The following C1orf21 variants were observed in gnomAD, a reference collection of about 807,000 sequenced individuals.
C1orf21 encodes chromosome 1 open reading frame 21, also known as uncharacterized protein C1orf21.
In C1orf21, 3 loss-of-function variants were observed where a neutral mutation model predicts 18.7. The observed-to-expected ratio is 0.16, with a 90% CI of 0.07 to 0.42. The LOEUF (loss-of-function observed/expected upper bound fraction) is 0.42. Among genes scored for constraint, C1orf21 ranks in the 10% least tolerant of loss-of-function variants. The pLI is 0.99. For missense variants in C1orf21, 104 were observed against 143.6 expected (o/e 0.72, Z 1.41); for synonymous variants, 41 against 46.4 (o/e 0.88, Z 0.47).
intron 4 of C1orf21, among the ~76,000 whole-genome samples, chr1:184,592,579 C>T (rs1659454424): frequency 1.4e-4 from 21 of 152,156 alleles, no homozygotes; most frequent in Admixed American, 1.4e-3. Flanking sequence ...TAAATGGAGA[C>T]AAATTTCCTG....
Position 184,590,796 on chromosome 1 carries a change from G to A in C1orf21, c.247G>A (p.Val83Ile). 1.2e-6 allele frequency: 2 copies of A among 1,614,054 alleles called. No individual in the cohort carries two copies. Among genetic ancestry groups the A allele is most frequent in the African/African-American group, 1.3e-5 (1 of 75,038 alleles). The change falls in exon 4 of 6, where the codon GTT becomes ATT. Residue 83 changes from valine (V) to isoleucine (I), a missense_variant. By Grantham distance (29) the Val-to-Ile change is conservative. Coordinates refer to ENST00000235307, the MANE Select transcript of C1orf21 (RefSeq NM_030806.4). ...AACTAATAAAGAGGTTCCGGGATTA[G>A]TTCATCAACCCAGAGCAAAGTAAGT... ...LKTNKEVPGL[V>I]HQPRANMHIS... is the part of the protein sequence containing the mutation.
rs1040367129 is a variant in C1orf21 at position 184,625,379 on chromosome 1, C to T, written c.*5823C>T. ...AGTCTAGACCTTCAAGGACTGTTCTCTCTTGACAGGCAAGCAAGCAAAGAA... is the reference window on the plus strand; with the variant it reads ...AGTCTAGACCTTCAAGGACTGTTCTTTCTTGACAGGCAAGCAAGCAAAGAA... On this transcript the variant is annotated 3_prime_UTR_variant, in exon 6 of 6. Transcript: ENST00000235307. 2.0e-5 allele frequency: 3 copies of T among 152,620 alleles called. No individual in the cohort carries two copies. Among genetic ancestry groups the T allele is most frequent in the Admixed American group, 1.3e-4 (2 of 15,280 alleles). The allele number at this position is 152,620 out of a possible 1,614,324, so 9.5% of individuals were successfully genotyped here.
At chr1:184,567,425 T>C (rs1659049762) in intron 3 of C1orf21, 9 of 535,990 alleles carry the variant, frequency 1.7e-5, no homozygotes, top group Non-Finnish European at 3.0e-5. Context: ...CTTGAAGGTC[T>C]GCATCTCTCC....
At position 184,477,616 on chromosome 1, in the gene C1orf21, A is replaced by G; in HGVS notation, c.94+13A>G. The stretch of plus-strand genomic sequence containing the variant: ...GATGTGTTTGGCGGTGAGTCCTATC[A>G]AACTTGACTCTTGACCCATTGATTC... On this transcript the variant is annotated intron_variant, in intron 2 of 5. Coordinates refer to ENST00000235307, the MANE Select transcript of C1orf21 (RefSeq NM_030806.4). 6.2e-7 allele frequency: 1 copy of G among 1,609,746 alleles called. No homozygotes were observed. Among genetic ancestry groups the G allele is most frequent in the Non-Finnish European group, 8.5e-7 (1 of 1,176,418 alleles).
rs1420214321 is a variant in C1orf21 at position 184,621,213 on chromosome 1, G to A, written c.*1657G>A. ...CCCTATCTCCTTTTAGACCTGGGACGGCAAAAGGGAAGGGAAGGAAACTTA... is the reference window on the plus strand; with the variant it reads ...CCCTATCTCCTTTTAGACCTGGGACAGCAAAAGGGAAGGGAAGGAAACTTA... On this transcript the variant is annotated 3_prime_UTR_variant, in exon 6 of 6. Transcript: ENST00000235307. 1 of 152,576 alleles carries A rather than the reference G, an allele frequency of 6.6e-6. No individual in the cohort carries two copies. Among genetic ancestry groups the A allele is most frequent in the Non-Finnish European group, 1.5e-5 (1 of 68,048 alleles). The allele number at this position is 152,576 out of a possible 1,614,324, so 9.5% of individuals were successfully genotyped here. A position where few individuals can be genotyped will look rare whatever the true frequency, so the allele number is the denominator to read the frequency against.
At chr1:184,546,812 T>A (rs934092732) in intron 3 of C1orf21, among the ~76,000 whole-genome samples, 1 of 152,126 alleles carries the variant, frequency 6.6e-6, no homozygotes, top group African/African-American at 2.4e-5. Flanking sequence ...CCAGTTCACA[T>A]AAAGGACTGG....
At chr1:184,524,208 G>A (rs1015426205) in intron 3 of C1orf21, among the ~76,000 whole-genome samples, 1 of 152,042 alleles carries the variant, frequency 6.6e-6, no homozygotes, top group African/African-American at 2.4e-5. Flanking sequence ...ACAAAGAGCA[G>A]GTACTAATAA....
At chr1:184,458,223 G>A (rs749122331) in intron 1 of C1orf21, among the ~76,000 whole-genome samples, 7 of 152,158 alleles carry the variant, frequency 4.6e-5, no homozygotes, top group Non-Finnish European at 8.8e-5. Flanking sequence ...TACAAGCTTT[G>A]GACCAGGTAT....
At chr1:184,610,791 TGAGCCGAGA>T (rs1659723261) in intron 5 of C1orf21, among the ~76,000 whole-genome samples, 1 of 146,412 alleles carries the variant, frequency 6.8e-6, no homozygotes, top group Admixed American at 7.0e-5. Flanking sequence ...GAGCTTGTAG[TGAGCCGAGA>T]TCGCCCACTG....
chr1:184,395,990 C>T lies in C1orf21; in HGVS notation c.-125+8622C>T, dbSNP rs76636133. On this transcript the variant is annotated intron_variant, in intron 1 of 5. Coordinates refer to ENST00000235307, the MANE Select transcript of C1orf21 (RefSeq NM_030806.4). ...ACTCATAGACCAATTCTCTTACTGG[C>T]ATTTGGGGATAAAGGGGTTTGGGGG... 6.2e-3 allele frequency among the ~76,000 whole-genome samples: 940 copies of T among 152,130 alleles called. 1 individual carries two copies. The highest frequency in any genetic ancestry group is 8.9e-3 in the Non-Finnish European group (605 of 68,012).
chr1:184,553,201 AC>A (rs942644760), intron 3 of C1orf21, among the ~76,000 whole-genome samples: 1 of 152,180 alleles, frequency 6.6e-6, no homozygotes, highest in African/African-American at 2.4e-5. Flanking sequence ...TAGGAAAAAA[AC>A]CATTTAGTTC....
rs2102016018 is a variant in C1orf21, at chr1:184,623,243, A to C, written c.*3687A>C. 1 of 152,350 alleles carries C rather than the reference A, an allele frequency of 6.6e-6. No individual in the cohort carries two copies. The highest frequency in any genetic ancestry group is 2.4e-5 in the African/African-American group (1 of 41,578). The allele number at this position is 152,350 out of a possible 1,614,324, so 9.4% of individuals were successfully genotyped here. The stretch of plus-strand genomic sequence containing the variant: ...GTTTTAAAGGAAGAAATATTTTCAA[A>C]TTCTTAATCCAAGAAAATACTGAGT... On this transcript the variant is annotated 3_prime_UTR_variant, in exon 6 of 6. Transcript: ENST00000235307.
At chr1:184,453,977 A>G (rs576178675) in intron 1 of C1orf21, among the ~76,000 whole-genome samples, 8 of 152,240 alleles carry the variant, frequency 5.3e-5, no homozygotes, top group Non-Finnish European at 1.0e-4. Context: ...ACAAAGCATT[A>G]TATGGGCAGA....
chr1:184,451,127 C>T (rs1175406980), intron 1 of C1orf21, among the ~76,000 whole-genome samples: 1 of 152,202 alleles, frequency 6.6e-6, no homozygotes, highest in East Asian at 1.9e-4. Flanking sequence ...ATCCGTCTGC[C>T]TCGGCCTCCC....
chr1:184,427,689 C>A (rs1656663512), intron 1 of C1orf21, among the ~76,000 whole-genome samples: 1 of 152,162 alleles, frequency 6.6e-6, no homozygotes, highest in African/African-American at 2.4e-5. Context: ...GATCTAGTGA[C>A]CCTCCAGCTC....
chr1:184,516,081 A>G (rs1313089669), intron 3 of C1orf21, among the ~76,000 whole-genome samples: 1 of 152,146 alleles, frequency 6.6e-6, no homozygotes, highest in Non-Finnish European at 1.5e-5. Flanking sequence ...CCAAAGTGCT[A>G]GGATTACAGA....
At chr1:184,484,817 A>G (rs1422048355) in intron 2 of C1orf21, among the ~76,000 whole-genome samples, 2 of 151,926 alleles carry the variant, frequency 1.3e-5, no homozygotes, top group African/African-American at 2.4e-5. Context: ...TTGTATTGCT[A>G]TGTGGCTTCA....
chr1:184,433,639 A>T (rs1241518914), intron 1 of C1orf21, among the ~76,000 whole-genome samples: 2 of 152,204 alleles, frequency 1.3e-5, no homozygotes, highest in Non-Finnish European at 2.9e-5. Flanking sequence ...AAATAGAAAA[A>T]TAAACAGATA....
intron 1 of C1orf21, among the ~76,000 whole-genome samples, chr1:184,398,282 A>G (rs56173711): frequency 0.072 from 11,019 of 152,214 alleles, 532 homozygotes; most frequent in African/African-American, 0.14. Flanking sequence ...GGAACCCACT[A>G]CTGTTACCTC....
Sources: allele counts gnomAD v4.1 joint callset (sites outside exome capture counted in the v4.1 genomes callset), GRCh38; gene constraint gnomAD v4.1.1; transcripts MANE v1.5; gene names NCBI Gene and HGNC (gene_info 2026-07-23, HGNC 2026-07-21).